The following ADCY1 variants were observed in gnomAD, a reference collection of about 807,000 sequenced individuals.
The protein encoded by ADCY1 is adenylate cyclase type 1.
A neutral mutation model predicts 105.4 loss-of-function variants in ADCY1; 28 were observed. That is an observed-to-expected ratio of 0.27 (90% CI 0.20 to 0.36). The LOEUF (loss-of-function observed/expected upper bound fraction) is 0.36, where lower values mean the gene tolerates loss of function less well. Among genes scored for constraint, ADCY1 ranks in the 10% least tolerant of loss-of-function variants. The pLI is 1.00. For missense variants in ADCY1, 977 were observed against 1,434.2 expected, an observed-to-expected ratio of 0.68 and a Z score of 5.15; for synonymous variants, 655 against 623.8, an observed-to-expected ratio of 1.05 and a Z score of -0.75.
chr7:45,694,661 A>G (rs925128581), intron 14 of ADCY1, among the ~76,000 whole-genome samples: 1 of 152,224 alleles, frequency 6.6e-6, no homozygotes, highest in Non-Finnish European at 1.5e-5. Context: ...ATTTTATCTC[A>G]ATAAAATTGA....
chr7:45,692,708 C>A (rs2116228433), intron 14 of ADCY1, among the ~76,000 whole-genome samples: 1 of 152,270 alleles, frequency 6.6e-6, no homozygotes, highest in Admixed American at 6.5e-5. Flanking sequence ...CAGACACACA[C>A]AAATGGTAAC....
intron 6 of ADCY1, among the ~76,000 whole-genome samples, chr7:45,659,475 C>T (rs952994563): frequency 6.6e-6 from 1 of 152,184 alleles, no homozygotes; most frequent in Non-Finnish European, 1.5e-5. Flanking sequence ...TGAGACGATG[C>T]CAACTGTGGG....
intron 2 of ADCY1, among the ~76,000 whole-genome samples, chr7:45,601,296 A>T (rs1408096707): frequency 2.6e-5 from 4 of 151,936 alleles, no homozygotes; most frequent in Non-Finnish European, 1.5e-5. Flanking sequence ...AGGAGAGGGG[A>T]TCCTGCCAGG....
At chr7:45,629,466 C>T (rs1372845825) in intron 4 of ADCY1, among the ~76,000 whole-genome samples, 3 of 151,234 alleles carry the variant, frequency 2.0e-5, no homozygotes. Flanking sequence ...GGGTAAATAC[C>T]TAGAAGTAGA....
At chr7:45,639,636 T>G (rs1386495148) in intron 4 of ADCY1, among the ~76,000 whole-genome samples, 1 of 152,266 alleles carries the variant, frequency 6.6e-6, no homozygotes, top group Non-Finnish European at 1.5e-5. Context: ...AAGACCCTTC[T>G]GGGAACATTT....
At chr7:45,622,559 C>A in intron 3 of ADCY1, 73 bp from the exon 4 acceptor site, 2 of 1,054,684 alleles carry the variant, frequency 1.9e-6, no homozygotes, top group African/African-American at 1.6e-5. Context: ...GAGATGTAAA[C>A]ATCTGTACAT....
chr7:45,637,240 A>T (rs1431475272), intron 4 of ADCY1, among the ~76,000 whole-genome samples: 1 of 152,194 alleles, frequency 6.6e-6, no homozygotes, highest in Admixed American at 6.5e-5. Context: ...GGCCTTTATG[A>T]CATTGTTCCC....
chr7:45,575,362 C>T lies in ADCY1; in HGVS notation c.639+180C>T, dbSNP rs1000006984. On this transcript the variant is annotated intron_variant, in intron 1 of 19. Coordinates refer to ENST00000297323, the MANE Select transcript of ADCY1 (RefSeq NM_021116.4). This position sits in a 1 kb window ranked among gnomAD's most constrained non-coding sequence, Gnocchi z 4.7. ...GGACGCAGTCGGGGCTGGCACCCTC[C>T]GGCCAGGGCTCTCTTCAGAGTTACA... 1.3e-5 allele frequency among the ~76,000 whole-genome samples: 2 copies of T among 152,250 alleles called. No homozygotes were observed. Among genetic ancestry groups the T allele is most frequent in the South Asian group, 4.1e-4 (2 of 4,838 alleles).
At chr7:45,607,706 G>C (rs1434880404) in intron 2 of ADCY1, among the ~76,000 whole-genome samples, 1 of 152,128 alleles carries the variant, frequency 6.6e-6, no homozygotes, top group Non-Finnish European at 1.5e-5. Flanking sequence ...TGTGGTATTT[G>C]GTTTTCTGTT....
rs1794382063 is a variant in ADCY1 at position 45,635,611 on chromosome 7, T to TTG, written c.1020+12869_1020+12870insGT. Among the ~76,000 whole-genome samples, 11 of 138,706 alleles carry TTG rather than the reference T, an allele frequency of 7.9e-5. No homozygotes were observed. The South Asian group carries it at 2.5e-3, about 31-fold the overall frequency. The allele number at this position is 138,706 out of a possible 152,430, so 91.0% of individuals were successfully genotyped here. A position where few individuals can be genotyped will look rare whatever the true frequency, so the allele number is the denominator to read the frequency against. On this transcript the variant is annotated intron_variant, in intron 4 of 19. Transcript: ENST00000297323. ...TTTCTAATTTCTCTTGTTTTTTTTT[T>TTG]TTTTTTTTTTTTTTTTTTCCAGACC... is the stretch of plus-strand genomic sequence containing the variant.
intron 10 of ADCY1, 46 bp downstream of exon 10, chr7:45,678,309 G>GGTTTCTGGGGTTCGTGGTTGT (rs749696182): frequency 1.3e-5 from 20 of 1,559,248 alleles, no homozygotes; most frequent in Admixed American, 3.3e-5. Context: ...AAGAAGTCCC[G>GGTTTCTGGGGTTCGTGGTTGT]GTTTCTGGGG....
intron 10 of ADCY1, 144 bp from the exon 11 acceptor site, chr7:45,679,565 G>A: frequency 1.3e-6 from 1 of 770,772 alleles, no homozygotes; most frequent in Non-Finnish European, 2.2e-6. Flanking sequence ...CCAGAGACCT[G>A]AGTGGCAGGC....
intron 4 of ADCY1, among the ~76,000 whole-genome samples, chr7:45,627,504 C>A (rs962765073): frequency 3.9e-5 from 6 of 152,218 alleles, no homozygotes; most frequent in Admixed American, 2.6e-4. Flanking sequence ...TGGAGCCTGG[C>A]ACACAATGGC....
rs1562667913 is a variant in ADCY1, at chr7:45,574,978, C to T, written c.435C>T (p.Pro145=). 6.2e-7 allele frequency: 1 copy of T among 1,610,922 alleles called. No individual in the cohort carries two copies. ...LLCCPFALGG[P]ARGSAGAAGG... Reference sequence around the variant, plus strand: ...GCTGTCCTTTCGCGCTGGGCGGCCCCGCCCGGGGTTCCGCCGGGGCCGCTG... The same window carrying T: ...GCTGTCCTTTCGCGCTGGGCGGCCCTGCCCGGGGTTCCGCCGGGGCCGCTG... The change falls in exon 1 of 20, where the codon CCC becomes CCT. Residue 145 remains proline (P), a synonymous_variant. Coordinates refer to ENST00000297323, the MANE Select transcript of ADCY1 (RefSeq NM_021116.4). This position sits in a 1 kb window ranked among gnomAD's most constrained non-coding sequence, Gnocchi z 7.0.
chr7:45,712,690 CTG>C (rs1584349929), intron 19 of ADCY1, among the ~76,000 whole-genome samples: 1 of 152,018 alleles, frequency 6.6e-6, no homozygotes, highest in African/African-American at 2.4e-5. Flanking sequence ...TTTGAATGGA[CTG>C]TGTGTGTGGG....
chr7:45,659,927 G>A, intron 6 of ADCY1, 115 bp from the exon 7 acceptor site: 1 of 1,347,402 alleles, frequency 7.4e-7, no homozygotes, highest in Non-Finnish European at 1.0e-6. Flanking sequence ...TCCCCGTGGA[G>A]CCTGCCCTGG....
intron 3 of ADCY1, among the ~76,000 whole-genome samples, chr7:45,616,650 T>TA (rs1448880010): frequency 1.3e-5 from 2 of 151,984 alleles, no homozygotes; most frequent in African/African-American, 2.4e-5. Context: ...CAAATTAGGA[T>TA]AAAAAATCCC....
Position 45,635,376 on chromosome 7 carries a change from C to T in ADCY1, c.1020+12633C>T, listed in dbSNP as rs1584290249. 2.0e-5 allele frequency among the ~76,000 whole-genome samples: 3 copies of T among 151,544 alleles called. No homozygotes were observed. In the South Asian group the frequency reaches 6.3e-4, roughly 32 times the overall value. ...TTTTCTATTTAGTTTCTTTTCGTAT[C>T]TGTATTATTGTTTTTCTTCTGGTTA... is the stretch of plus-strand genomic sequence containing the variant. On this transcript the variant is annotated intron_variant, in intron 4 of 19. Transcript: ENST00000297323.
At chr7:45,685,818 G>T in intron 12 of ADCY1, 144 bp from the exon 13 acceptor site, 1 of 1,045,018 alleles carries the variant, frequency 9.6e-7, no homozygotes, top group Non-Finnish European at 1.4e-6. Context: ...TTGCCATGAG[G>T]TCTGTGGCTT....
Sources: allele counts gnomAD v4.1 joint callset (sites outside exome capture counted in the v4.1 genomes callset), GRCh38; gene constraint gnomAD v4.1.1; non-coding constraint Gnocchi (gnomAD v3.1); transcripts MANE v1.5; gene names NCBI Gene and HGNC (gene_info 2026-07-23, HGNC 2026-07-21).